Variants in TAB2 observed in about 807,000 individuals in gnomAD.
TAB2 encodes the protein TGF-beta-activated kinase 1 and MAP3K7-binding protein 2.
Under a neutral mutation model 65.0 loss-of-function variants are expected in TAB2, and 3 were observed. The observed-to-expected ratio is 0.05, with a 90% CI of 0.02 to 0.12. The LOEUF (loss-of-function observed/expected upper bound fraction) is 0.12, where lower values mean the gene tolerates loss of function less well. Ranked by LOEUF, TAB2 falls within the 10% of genes least tolerant of loss-of-function variation. The probability of loss-of-function intolerance (pLI) is 1.00; values close to 1 mark genes in which losing one functional copy is unlikely to be tolerated. For synonymous variants in TAB2, 298 were observed against 285.1 expected, an observed-to-expected ratio of 1.05 and a Z score of -0.46; for missense variants, 623 against 840.3, an observed-to-expected ratio of 0.74 and a Z score of 3.20.
Position 149,403,293 on chromosome 6 carries a change from C to CATATATAT in TAB2, c.1939+4110_1939+4111insTATATATA, listed in dbSNP as rs769018737. Among the ~76,000 whole-genome samples the CATATATAT allele has an allele frequency of 2.3e-4, 14 of 61,850 alleles. 1 individual carries two copies. Among genetic ancestry groups the CATATATAT allele is most frequent in the Admixed American group, 6.7e-4 (4 of 5,970 alleles). 40.6% of individuals were successfully genotyped at this position (61,850 alleles called of 152,430 possible). A position where few individuals can be genotyped will look rare whatever the true frequency, so the allele number is the denominator to read the frequency against. On this transcript the variant is annotated intron_variant, in intron 6 of 6. Coordinates refer to ENST00000637181, the MANE Select transcript of TAB2 (RefSeq NM_001292034.3). ...ATATATATATATATATACACACACA[C>CATATATAT]ACATATATATATATATATATACACA...
At chr6:149,326,084 T>C (rs576666961) in intron 1 of TAB2, among the ~76,000 whole-genome samples, 4 of 152,188 alleles carry the variant, frequency 2.6e-5, no homozygotes, top group Admixed American at 1.3e-4. Flanking sequence ...ATTTTGTTAA[T>C]AAGTTATCTG....
At chr6:149,389,118 G>C (rs1332061606) in intron 3 of TAB2, among the ~76,000 whole-genome samples, 1 of 151,742 alleles carries the variant, frequency 6.6e-6, no homozygotes, top group African/African-American at 2.4e-5. Context: ...ACCACGCCTG[G>C]CTAATTTTTG....
At chr6:149,376,183 C>T (rs781320586) in intron 2 of TAB2, among the ~76,000 whole-genome samples, 19 of 152,096 alleles carry the variant, frequency 1.2e-4, no homozygotes, top group Non-Finnish European at 2.4e-4. Context: ...ATCAAACTCT[C>T]GTTACTTTGT....
intron 6 of TAB2, among the ~76,000 whole-genome samples, chr6:149,409,221 A>G (rs916077342): frequency 2.0e-5 from 3 of 152,250 alleles, no homozygotes; most frequent in Admixed American, 2.0e-4. Flanking sequence ...AGACTTATGT[A>G]CACTGACAGT....
chr6:149,403,247 A>AT (rs1446132000), intron 6 of TAB2, among the ~76,000 whole-genome samples: 718 of 43,734 alleles, frequency 0.016, 13 homozygotes, highest in African/African-American at 0.038. Context: ...AAAAAAAAAA[A>AT]ATATATATAT....
intron 1 of TAB2, among the ~76,000 whole-genome samples, chr6:149,288,541 C>A (rs185287803): frequency 3.6e-4 from 55 of 152,238 alleles, no homozygotes; most frequent in Middle Eastern, 3.4e-3. Flanking sequence ...CTCTTTGTTC[C>A]CCAAAACCTC....
intron 1 of TAB2, among the ~76,000 whole-genome samples, chr6:149,344,957 G>A (rs1035862376): frequency 3.3e-5 from 5 of 152,150 alleles, no homozygotes; most frequent in African/African-American, 1.2e-4. Flanking sequence ...AGAAAACAGC[G>A]TGTCTTGTCC....
intron 1 of TAB2, among the ~76,000 whole-genome samples, chr6:149,305,883 A>G (rs752454829): frequency 1.8e-4 from 28 of 152,242 alleles, no homozygotes; most frequent in Non-Finnish European, 3.1e-4. Context: ...AGAAATGTTT[A>G]GAAAATTTTG....
At chr6:149,258,242 C>G (rs930712681) in intron 1 of TAB2, among the ~76,000 whole-genome samples, 2 of 152,082 alleles carry the variant, frequency 1.3e-5, no homozygotes, top group Non-Finnish European at 2.9e-5. Flanking sequence ...AATGGGCTCT[C>G]CAGGGGAAAA....
chr6:149,319,688 C>G (rs1026925457), intron 1 of TAB2, among the ~76,000 whole-genome samples: 4 of 152,186 alleles, frequency 2.6e-5, no homozygotes, highest in Admixed American at 6.5e-5. Context: ...TTAAATCTTT[C>G]AAGAATCAAA....
rs565205699 is a variant in TAB2, at chr6:149,303,480, G to A, written c.-120-74538G>A. On this transcript the variant is annotated intron_variant, in intron 1 of 1. Coordinates refer to the TAB2 transcript ENST00000606202. Reference sequence around the variant, plus strand: ...TTTGGTTGGAAAAATGTATGTGTGTGTGTTCACATTATGTATTTATATATA... The same window carrying A: ...TTTGGTTGGAAAAATGTATGTGTGTATGTTCACATTATGTATTTATATATA... Among the ~76,000 whole-genome samples, 74 of 152,198 alleles carry A rather than the reference G, an allele frequency of 4.9e-4. 1 individual carries two copies. The highest frequency in any genetic ancestry group is 1.7e-3 in the East Asian group (9 of 5,178).
At chr6:149,382,753 TG>T (rs1181285942) in intron 3 of TAB2, among the ~76,000 whole-genome samples, 1 of 152,122 alleles carries the variant, frequency 6.6e-6, no homozygotes, top group Non-Finnish European at 1.5e-5. Flanking sequence ...TACAACACTG[TG>T]GGGGCCACAT....
chr6:149,368,818 C>CT (rs1781126194), intron 1 of TAB2, among the ~76,000 whole-genome samples: 1 of 152,044 alleles, frequency 6.6e-6, no homozygotes, highest in Admixed American at 6.6e-5. Flanking sequence ...TGATAAAAAA[C>CT]TAAAAGGCTT....
chr6:149,281,869 TAAAGACATAA>T (rs1439288575), intron 1 of TAB2, among the ~76,000 whole-genome samples: 4 of 152,002 alleles, frequency 2.6e-5, no homozygotes, highest in African/African-American at 9.7e-5. Context: ...ACTTTATATA[TAAAGACATAA>T]AAAGATTAAA....
At chr6:149,250,807 G>A (rs943023311) in intron 1 of TAB2, among the ~76,000 whole-genome samples, 1 of 151,994 alleles carries the variant, frequency 6.6e-6, no homozygotes, top group Non-Finnish European at 1.5e-5. Flanking sequence ...TCAAATCTTG[G>A]TTATTCTTGG....
rs146869717 is a variant in TAB2, at chr6:149,240,698, G to A, written c.-121+21922G>A. 2.0e-3 allele frequency among the ~76,000 whole-genome samples: 303 copies of A among 152,158 alleles called. 1 individual carries two copies. The highest frequency in any genetic ancestry group is 0.014 in the Middle Eastern group (4 of 292). The stretch of plus-strand genomic sequence containing the variant: ...TATGGTAGTATAATTTGCATATAAT[G>A]AACATGTTTTAAGTGTAATGTCTGT... On this transcript the variant is annotated intron_variant, in intron 1 of 1. Transcript: ENST00000606202.
chr6:149,291,346 T>C (rs1444130630), intron 1 of TAB2: 1 of 152,260 alleles, frequency 6.6e-6, no homozygotes, highest in Non-Finnish European at 1.5e-5. Flanking sequence ...AGAAATATTA[T>C]TTTAAGCCGG....
At chr6:149,237,623 C>T (rs954323925) in intron 1 of TAB2, among the ~76,000 whole-genome samples, 3 of 152,206 alleles carry the variant, frequency 2.0e-5, no homozygotes, top group Non-Finnish European at 2.9e-5. Context: ...CAACAAACCC[C>T]TCATCCGTCC....
chr6:149,253,970 G>GAAAGAAAGAAAGA (rs1562389276), intron 1 of TAB2, among the ~76,000 whole-genome samples: 2 of 101,594 alleles, frequency 2.0e-5, no homozygotes, highest in South Asian at 3.5e-4. Flanking sequence ...AAGAAAGAAA[G>GAAAGAAAGAAAGA]AAAGAAAGAA....
Sources: allele counts gnomAD v4.1 joint callset (sites outside exome capture counted in the v4.1 genomes callset), GRCh38; gene constraint gnomAD v4.1.1; transcripts MANE v1.5; gene names NCBI Gene and HGNC (gene_info 2026-07-23, HGNC 2026-07-21).